SCAP: variants seen among roughly 807,000 people sequenced by gnomAD.
SCAP encodes the protein SREBF chaperone.
A neutral mutation model predicts 123.6 loss-of-function variants in SCAP; 65 were observed. The ratio of observed to expected loss-of-function variants is 0.53; its 90% confidence interval spans 0.43 to 0.65. The LOEUF (loss-of-function observed/expected upper bound fraction) is 0.65, where lower values mean the gene tolerates loss of function less well. Ranked by LOEUF, SCAP falls within the 30% of genes least tolerant of loss-of-function variation. SCAP has a pLI of 0.00. For missense variants in SCAP, 1,398 were observed against 1,712.5 expected (o/e 0.82, Z 3.24); for synonymous variants, 740 against 726.3 (o/e 1.02, Z -0.30).
intron 1 of SCAP, among the ~76,000 whole-genome samples, chr3:47,466,811 G>T (rs766283000): frequency 6.6e-6 from 1 of 152,166 alleles, no homozygotes; most frequent in Non-Finnish European, 1.5e-5. Flanking sequence ...TTGGCCGGGC[G>T]TGGTGGCTCA....
intron 2 of SCAP, among the ~76,000 whole-genome samples, chr3:47,441,874 C>CTTTTTTTTTTTTTTTTTTTT (rs1160447716): frequency 5.2e-5 from 4 of 76,410 alleles, no homozygotes; most frequent in African/African-American, 5.4e-5. Context: ...GTTCATCTTT[C>CTTTTTTTTTTTTTTTTTTTT]TTTTTTTTTT....
intron 1 of SCAP, 194 bp downstream of exon 1, chr3:47,475,605 T>C (rs1338099946): frequency 1.3e-5 from 2 of 151,394 alleles, no homozygotes; most frequent in South Asian, 2.1e-4. Context: ...CACGGCCGGG[T>C]TGGGGGTGGG....
intron 2 of SCAP, among the ~76,000 whole-genome samples, chr3:47,435,855 C>G (rs1343916433): frequency 6.6e-6 from 1 of 152,036 alleles, no homozygotes; most frequent in Non-Finnish European, 1.5e-5. Flanking sequence ...TTGAGACCAG[C>G]CTGGACAACA....
chr3:47,475,562 A>C (rs1307936287), intron 1 of SCAP: 1 of 151,806 alleles, frequency 6.6e-6, no homozygotes, highest in Non-Finnish European at 1.5e-5. Context: ...TCTGGTGGGG[A>C]CGCGGAGCTC....
chr3:47,465,531 T>G (rs1707791873), intron 1 of SCAP, among the ~76,000 whole-genome samples: 1 of 149,462 alleles, frequency 6.7e-6, no homozygotes, highest in Admixed American at 6.7e-5. Flanking sequence ...CTTTGGGAGG[T>G]CAAGTGGGGA....
At chr3:47,453,986 A>G (rs1308305210) in intron 1 of SCAP, among the ~76,000 whole-genome samples, 1 of 152,218 alleles carries the variant, frequency 6.6e-6, no homozygotes, top group Non-Finnish European at 1.5e-5. Flanking sequence ...ACTAATGTTA[A>G]AACAATGTTA....
intron 1 of SCAP, among the ~76,000 whole-genome samples, chr3:47,447,761 C>T (rs372725830): frequency 2.6e-5 from 4 of 151,054 alleles, no homozygotes; most frequent in Admixed American, 6.6e-5. Flanking sequence ...AATCCCAGCA[C>T]TTTGGGAGGC....
chr3:47,465,412 C>T (rs539630327), intron 1 of SCAP, among the ~76,000 whole-genome samples: 3 of 152,096 alleles, frequency 2.0e-5, no homozygotes, highest in South Asian at 2.1e-4. Context: ...TAAATGACAA[C>T]GTTATCCAAA....
chr3:47,422,686 G>C lies in SCAP; in HGVS notation c.1151-150C>G. 5.0e-6 allele frequency: 3 copies of C among 595,232 alleles called. No homozygotes were observed. The East Asian group carries it at 8.8e-5, about 17-fold the overall frequency. 36.9% of individuals were successfully genotyped at this position (595,232 alleles called of 1,614,324 possible). A position where few individuals can be genotyped will look rare whatever the true frequency, so the allele number is the denominator to read the frequency against. ...TCCACCAAAGCACCCCAACCCTCAG[G>C]GTCCTGCTAATGCCCAGACTTTAAG... On this transcript the variant is annotated intron_variant, in intron 9 of 22. Transcript: ENST00000265565.
chr3:47,420,260 G>A lies in SCAP; in HGVS notation c.1563+294C>T, dbSNP rs1306750027. On this transcript the variant is annotated intron_variant, in intron 12 of 22. Coordinates refer to ENST00000265565, the MANE Select transcript of SCAP (RefSeq NM_012235.4). This position sits in a 1 kb window ranked among gnomAD's most constrained non-coding sequence, Gnocchi z 5.0. ...CCAGGGCAATGTGGTGGCCACAAGT[G>A]GGTCCATCCCAGAGCACTCAACTAA... 1.3e-5 allele frequency among the ~76,000 whole-genome samples: 2 copies of A among 152,216 alleles called. No homozygotes were observed. The highest frequency in any genetic ancestry group is 1.3e-4 in the Admixed American group (2 of 15,286).
chr3:47,443,310 T>TTCC, intron 1 of SCAP: 1 of 238,918 alleles, frequency 4.2e-6, no homozygotes, highest in East Asian at 7.9e-5. Context: ...TCTCTCTCTC[T>TTCC]CCCTCCCCGC....
chr3:47,420,543 G>A lies in SCAP; in HGVS notation c.1563+11C>T, dbSNP rs754228428. 6.3e-7 allele frequency: 1 copy of A among 1,576,352 alleles called. No homozygotes were observed. Among genetic ancestry groups the A allele is most frequent in the African/African-American group, 1.4e-5 (1 of 73,434 alleles). The stretch of plus-strand genomic sequence containing the variant: ...CAGAAGAGGGCAGGGCAGGGCAGGG[G>A]TGGCAGGTACCATGATGAGGCGCTG... On this transcript the variant is annotated intron_variant, in intron 12 of 22. Transcript: ENST00000265565. This position sits in a 1 kb window ranked among gnomAD's most constrained non-coding sequence, Gnocchi z 5.0.
rs755622121 is a variant in SCAP at position 47,418,700 on chromosome 3, T to C, written c.2084A>G (p.Lys695Arg). The C allele has an allele frequency of 6.3e-6, 9 of 1,435,448 alleles. No individual in the cohort carries two copies. The highest frequency in any genetic ancestry group is 8.4e-6 in the Non-Finnish European group (9 of 1,075,756). 88.9% of individuals were successfully genotyped at this position (1,435,448 alleles called of 1,614,324 possible). Residue 695 changes from lysine (K) to arginine (R), a missense_variant, in exon 14 of 23, where the codon AAG becomes AGG. This residue lies in a region of SCAP where 828 missense variants were observed against 882.5 expected (regional missense o/e 0.94). Transcript: ENST00000265565. ...IPAGHWEAGP[K>R]GPGGVQAHGD... ...ATGGGCCTGCACCCCACCTGGGCCCTTGGGTCCTGCTTCCCAGTGCCCAGC... is the reference window on the plus strand; with the variant it reads ...ATGGGCCTGCACCCCACCTGGGCCCCTGGGTCCTGCTTCCCAGTGCCCAGC...
intron 1 of SCAP, among the ~76,000 whole-genome samples, chr3:47,444,800 G>C (rs1244321592): frequency 1.5e-5 from 2 of 137,544 alleles, no homozygotes; most frequent in Non-Finnish European, 3.1e-5. Context: ...TTTTTTTTTT[G>C]AGATGGGGTT....
intron 1 of SCAP, among the ~76,000 whole-genome samples, chr3:47,449,075 T>A (rs1197931929): frequency 6.6e-6 from 1 of 152,200 alleles, no homozygotes; most frequent in Non-Finnish European, 1.5e-5. Context: ...CAAAGCCTTT[T>A]AAGTATTATT....
At chr3:47,472,635 C>A (rs1708075525) in intron 1 of SCAP, among the ~76,000 whole-genome samples, 1 of 152,114 alleles carries the variant, frequency 6.6e-6, no homozygotes, top group Non-Finnish European at 1.5e-5. Context: ...GTGCCCTTGA[C>A]TGCTTAAGCA....
At chr3:47,442,828 C>T (rs4599333) in intron 2 of SCAP, 44 bp downstream of exon 2, 1 of 1,582,862 alleles carries the variant, frequency 6.3e-7, no homozygotes, top group Non-Finnish European at 8.7e-7. Context: ...ACCTACTGTC[C>T]TAAGACACTG....
intron 14 of SCAP, 29 bp downstream of exon 14, chr3:47,418,626 T>TTTCCCCC: frequency 6.9e-7 from 1 of 1,459,566 alleles, no homozygotes; most frequent in Non-Finnish European, 9.5e-7. Context: ...CCGCACTCTT[T>TTTCCCCC]CCCACCCCAC....
chr3:47,436,300 C>T (rs966043680), intron 2 of SCAP, among the ~76,000 whole-genome samples: 1 of 151,998 alleles, frequency 6.6e-6, no homozygotes, highest in African/African-American at 2.4e-5. Flanking sequence ...TTAATGGACC[C>T]GATATACGCA....
Sources: gnomAD v4.1 joint callset for allele counts (sites outside exome capture counted in the v4.1 genomes callset) on GRCh38, gnomAD v4.1.1 for gene constraint, gnomAD v4.1.1 regional missense constraint, Gnocchi (gnomAD v3.1) non-coding constraint, MANE v1.5 for transcripts, NCBI Gene and HGNC (gene_info 2026-07-23, HGNC 2026-07-21) for gene names.